The following ALDH3A2 variants were observed in gnomAD, a reference collection of about 807,000 sequenced individuals.
ALDH3A2 encodes the protein aldehyde dehydrogenase family 3 member A2.
ALDH3A2 carries 36 observed loss-of-function variants against 51.3 expected under a neutral mutation model. That is an observed-to-expected ratio of 0.70 (90% CI 0.54 to 0.93). The LOEUF is 0.93. Among genes scored for constraint, ALDH3A2 ranks in the 40% least tolerant of loss-of-function variants. The pLI, the probability that ALDH3A2 is intolerant of heterozygous loss-of-function variation, is 0.00. For missense variants in ALDH3A2, 552 were observed against 603.1 expected (o/e 0.92, Z 0.89); for synonymous variants, 199 against 219.8 (o/e 0.91, Z 0.84).
chr17:19,667,139 G>A (rs1321955157), intron 8 of ALDH3A2, among the ~76,000 whole-genome samples: 1 of 151,970 alleles, frequency 6.6e-6, no homozygotes, highest in Admixed American at 6.6e-5. Context: ...ACATATACAC[G>A]GTCATCTGAA....
In ALDH3A2 at chr17:19,677,000, C is replaced by T. The variant is rs1381886488; in HGVS notation, c.*1428C>T. The T allele has an allele frequency of 6.6e-6, 1 of 152,226 alleles. No individual in the cohort carries two copies. Among genetic ancestry groups the T allele is most frequent in the Non-Finnish European group, 1.5e-5 (1 of 68,078 alleles). The allele number at this position is 152,226 out of a possible 1,614,324, so 9.4% of individuals were successfully genotyped here. A position where few individuals can be genotyped will look rare whatever the true frequency, so the allele number is the denominator to read the frequency against. ...TGAAGGGAATTGATGGCAAGAGGAT[C>T]CCCTGAGCAAGTCAGAAGTTACTCT... On this transcript the variant is annotated 3_prime_UTR_variant, in exon 10 of 10. Transcript: ENST00000176643.
chr17:19,671,436 A>G (rs575931649), intron 8 of ALDH3A2, among the ~76,000 whole-genome samples: 43 of 152,354 alleles, frequency 2.8e-4, no homozygotes, highest in Middle Eastern at 3.4e-3. Context: ...TCTTAAGAGA[A>G]TGATTTAACT....
rs1219562904 is a variant in ALDH3A2 at position 19,675,747 on chromosome 17, A to G, written c.*175A>G. 3.3e-5 allele frequency: 24 copies of G among 733,864 alleles called. No individual in the cohort carries two copies. The highest frequency in any genetic ancestry group is 5.4e-5 in the Non-Finnish European group (23 of 423,276). 45.5% of individuals were successfully genotyped at this position (733,864 alleles called of 1,614,324 possible). ...ATTAATAAAAGTTGCCATTTCAACT[A>G]CGTCCCAACATTCCCTAATAGGGTA... On this transcript the variant is annotated 3_prime_UTR_variant, in exon 10 of 10. Coordinates refer to ENST00000176643, the MANE Select transcript of ALDH3A2 (RefSeq NM_000382.3).
intron 3 of ALDH3A2, among the ~76,000 whole-genome samples, chr17:19,653,253 C>G (rs1055818830): frequency 6.6e-6 from 1 of 152,006 alleles, no homozygotes; most frequent in African/African-American, 2.4e-5. Context: ...CCGTGTTGGT[C>G]AGGCTGGTCT....
chr17:19,675,608 G>A lies in ALDH3A2; in HGVS notation c.*36G>A, dbSNP rs138462610. 16,784 of 1,595,974 alleles carry A rather than the reference G, an allele frequency of 0.011. 123 individuals are homozygous for A. The highest frequency in any genetic ancestry group is 0.013 in the Non-Finnish European group (15,058 of 1,163,490). On this transcript the variant is annotated 3_prime_UTR_variant, in exon 10 of 10. Coordinates refer to ENST00000176643, the MANE Select transcript of ALDH3A2 (RefSeq NM_000382.3). The stretch of plus-strand genomic sequence containing the variant: ...TGTTCAACCTCCTAGTGCCTCTACT[G>A]AATTATTCCTCTTTTAAATGGTTAA...
Position 19,675,768 on chromosome 17 carries a change from G to T in ALDH3A2, c.*196G>T, listed in dbSNP as rs2085179826. 1 of 642,944 alleles carries T rather than the reference G, an allele frequency of 1.6e-6. No homozygotes were observed. The highest frequency in any genetic ancestry group is 2.6e-5 in the Admixed American group (1 of 39,192). 39.8% of individuals were successfully genotyped at this position (642,944 alleles called of 1,614,324 possible). ...AACTACGTCCCAACATTCCCTAATA[G>T]GGTATTCAGGGAACCTGTCTTAAAT... On this transcript the variant is annotated 3_prime_UTR_variant, in exon 10 of 10. Transcript: ENST00000176643.
Position 19,651,606 on chromosome 17 carries a change from G to A in ALDH3A2, c.213G>A (p.Met71Ile). 1 of 1,614,184 alleles carries A rather than the reference G, an allele frequency of 6.2e-7. No individual in the cohort carries two copies. The highest frequency in any genetic ancestry group is 1.1e-5 in the South Asian group (1 of 91,086). The change falls in exon 2 of 10, where the codon ATG becomes ATA. Residue 71 changes from methionine (M) to isoleucine (I), a missense_variant. Transcript: ENST00000176643. Reference protein sequence around the residue: ...VITVLGEIDFMLENLPEWVTA... With the variant: ...VITVLGEIDFILENLPEWVTA... ...CTGTCCTTGGGGAAATTGATTTTAT[G>A]CTTGAGAATCTTCCTGAATGGGTTA...
chr17:19,654,212 C>CT lies in ALDH3A2; in HGVS notation c.471+1581dup, dbSNP rs2084861272. On this transcript the variant is annotated intron_variant, in intron 3 of 9. Transcript: ENST00000176643. This position sits in a 1 kb window ranked among gnomAD's most constrained non-coding sequence, Gnocchi z 4.5. ...TCCTCCGGCTAGACATAAAAGTTCT[C>CT]TAAGTCCCCACCCGACTCAGGAGCC... Among the ~76,000 whole-genome samples the CT allele has an allele frequency of 6.6e-6, 1 of 152,280 alleles. No homozygotes were observed. Among genetic ancestry groups the CT allele is most frequent in the African/African-American group, 2.4e-5 (1 of 41,480 alleles).
chr17:19,649,361 G>T, intron 1 of ALDH3A2: 1 of 544,160 alleles, frequency 1.8e-6, no homozygotes. Context: ...TTCTATTCTT[G>T]TCCATTTTTC....
At chr17:19,655,246 T>G (rs1391941570) in intron 3 of ALDH3A2, 2 of 152,238 alleles carry the variant, frequency 1.3e-5, no homozygotes, top group African/African-American at 2.4e-5. Flanking sequence ...AGGCCAGTTC[T>G]GGTTCTTGGA....
intron 3 of ALDH3A2, 147 bp from the exon 4 acceptor site, chr17:19,656,219 C>T (rs1450819095): frequency 1.3e-6 from 1 of 774,326 alleles, no homozygotes; most frequent in African/African-American, 1.7e-5. Context: ...TGTCCTTGGT[C>T]AGTTCCCTCT....
At chr17:19,656,185 C>A in intron 3 of ALDH3A2, 181 bp from the exon 4 acceptor site, 1 of 668,196 alleles carries the variant, frequency 1.5e-6, no homozygotes, top group Non-Finnish European at 2.7e-6. Flanking sequence ...TTCCCAGATG[C>A]CATCGGACTG....
chr17:19,661,259 C>G lies in ALDH3A2; in HGVS notation c.931C>G (p.Arg311Gly). The change falls in exon 6 of 10, where the codon CGC becomes GGC. Residue 311 changes from arginine to glycine, a missense_variant. Arg to Gly is a moderately radical substitution (Grantham distance 125). Coordinates refer to ENST00000176643, the MANE Select transcript of ALDH3A2 (RefSeq NM_000382.3). ...AFGGETDEAT[R>G]YIAPTVLTDV... ...TGGTGGGGAGACTGATGAGGCCACA[C>G]GCTACATAGGTAATGGAAATTCTCC... The G allele has an allele frequency of 1.2e-6, 2 of 1,614,080 alleles. No homozygotes were observed. Among genetic ancestry groups the G allele is most frequent in the African/African-American group, 1.3e-5 (1 of 75,022 alleles).
chr17:19,648,666 G>T (rs1426471654), upstream of ALDH3A2: 6 of 462,200 alleles, frequency 1.3e-5, no homozygotes, highest in Non-Finnish European at 2.4e-5. Context: ...CGGGGAGAGG[G>T]CGGGGGCCGC....
chr17:19,652,774 A>C (rs756048220), intron 3 of ALDH3A2, 142 bp downstream of exon 3: 4 of 730,148 alleles, frequency 5.5e-6, no homozygotes, highest in Middle Eastern at 2.9e-4. Flanking sequence ...TAGCAAAAGA[A>C]GTTCGGTTCC....
At chr17:19,651,899 C>T in intron 2 of ALDH3A2, 121 bp downstream of exon 2, 2 of 877,970 alleles carry the variant, frequency 2.3e-6, no homozygotes, top group Non-Finnish European at 3.7e-6. Context: ...TTGTTTACAC[C>T]ACCAGTGTAC....
chr17:19,672,268 A>G (rs1457768184), intron 9 of ALDH3A2: 2 of 417,142 alleles, frequency 4.8e-6, no homozygotes, highest in Non-Finnish European at 8.9e-6. Context: ...AGATTAAAAC[A>G]GCGTAGAACT....
rs1172577170 is a variant in ALDH3A2, at chr17:19,654,221, C to T, written c.471+1589C>T. Reference sequence around the variant, plus strand: ...TAGACATAAAAGTTCTCTAAGTCCCCACCCGACTCAGGAGCCCAGCTGGCT... The same window carrying T: ...TAGACATAAAAGTTCTCTAAGTCCCTACCCGACTCAGGAGCCCAGCTGGCT... On this transcript the variant is annotated intron_variant, in intron 3 of 9. Coordinates refer to ENST00000176643, the MANE Select transcript of ALDH3A2 (RefSeq NM_000382.3). The surrounding 1 kb of genome is among the most constrained non-coding windows in gnomAD (Gnocchi z 4.5). 6.6e-6 allele frequency among the ~76,000 whole-genome samples: 1 copy of T among 152,274 alleles called. No individual in the cohort carries two copies. The highest frequency in any genetic ancestry group is 2.4e-5 in the African/African-American group (1 of 41,480).
chr17:19,653,648 G>A (rs1011635606), intron 3 of ALDH3A2, among the ~76,000 whole-genome samples: 3 of 152,174 alleles, frequency 2.0e-5, no homozygotes, highest in Admixed American at 6.5e-5. Context: ...CAGGAGTGAA[G>A]CTGCAGACCT....
Sources: gnomAD v4.1 joint callset for allele counts (sites outside exome capture counted in the v4.1 genomes callset) on GRCh38, gnomAD v4.1.1 for gene constraint, Gnocchi (gnomAD v3.1) non-coding constraint, MANE v1.5 for transcripts, NCBI Gene and HGNC (gene_info 2026-07-23, HGNC 2026-07-21) for gene names.